OGN: variants seen among roughly 807,000 people sequenced by gnomAD.
OGN encodes osteoglycin.
OGN carries 19 observed loss-of-function variants against 30.8 expected under a neutral mutation model. That is an observed-to-expected ratio of 0.62 (90% confidence interval 0.43 to 0.90). The LOEUF is 0.90. OGN is among the 40% of genes least tolerant of loss of function. The pLI is 0.00. For synonymous variants in OGN, 126 were observed against 128.3 expected (o/e 0.98, Z 0.12); for missense variants, 283 against 349.7 (o/e 0.81, Z 1.52).
At chr9:92,401,272 G>A (rs1843100881) in intron 2 of OGN, 87 bp from the exon 3 acceptor site, 2 of 635,050 alleles carry the variant, frequency 3.1e-6, no homozygotes, top group African/African-American at 1.9e-5. Context: ...CCTTCTCGTA[G>A]TTACAATTAG....
chr9:92,393,663 T>C (rs886315415), intron 3 of OGN, among the ~76,000 whole-genome samples: 1 of 152,178 alleles, frequency 6.6e-6, no homozygotes, highest in Non-Finnish European at 1.5e-5. Flanking sequence ...ATTAGAGTAA[T>C]CGTAGGCACT....
intron 2 of OGN, among the ~76,000 whole-genome samples, chr9:92,402,186 C>CT (rs1201208491): frequency 2.6e-5 from 4 of 151,962 alleles, no homozygotes; most frequent in Non-Finnish European, 4.4e-5. Flanking sequence ...TATGATGGGA[C>CT]TTTTTTTTCT....
chr9:92,393,050 G>A (rs550605390), intron 4 of OGN, 36 bp downstream of exon 4: 14 of 1,560,440 alleles, frequency 9.0e-6, no homozygotes, highest in South Asian at 6.9e-5. Context: ...ATACTAATAC[G>A]AGTTAATACT....
At chr9:92,396,452 A>G (rs972910860) in intron 3 of OGN, among the ~76,000 whole-genome samples, 7 of 151,990 alleles carry the variant, frequency 4.6e-5, no homozygotes, top group Admixed American at 2.0e-4. Context: ...TGACATCTTA[A>G]TGATATTGAA....
Position 92,385,799 on chromosome 9 carries a change from A to G in OGN, c.727-9T>C. The G allele has an allele frequency of 6.2e-7, 1 of 1,613,926 alleles. No individual in the cohort carries two copies. The highest frequency in any genetic ancestry group is 8.5e-7 in the Non-Finnish European group (1 of 1,179,856). Reference sequence around the variant, plus strand: ...GAAGCTATGTTGTTGAACTGAAAAAAAACGAGGAAAACATTGTTCAGAAAT... The same window carrying G: ...GAAGCTATGTTGTTGAACTGAAAAAGAACGAGGAAAACATTGTTCAGAAAT... On this transcript the variant is annotated splice_polypyrimidine_tract_variant and intron_variant, in intron 6 of 6. Coordinates refer to ENST00000375561, the MANE Select transcript of OGN (RefSeq NM_014057.5).
chr9:92,404,259 C>T (rs560188303), intron 1 of OGN, among the ~76,000 whole-genome samples: 23 of 152,134 alleles, frequency 1.5e-4, no homozygotes, highest in Non-Finnish European at 2.6e-4. Context: ...GCCAGTTTGT[C>T]AAAAATCCAG....
rs1490798373 is a variant in OGN, at chr9:92,385,262, C to T, written c.*358G>A. The T allele has an allele frequency of 1.8e-5, 3 of 165,290 alleles. No homozygotes were observed. The highest frequency in any genetic ancestry group is 7.2e-5 in the African/African-American group (3 of 41,724). 10.2% of individuals were successfully genotyped at this position (165,290 alleles called of 1,614,324 possible). On this transcript the variant is annotated 3_prime_UTR_variant, in exon 7 of 7. Transcript: ENST00000375561. ...GGGATCCAGTAAAGGCCAGGAAAGG[C>T]AAAGAGTTGAAAGTTTCTTGGATTT...
intron 3 of OGN, 70 bp downstream of exon 3, chr9:92,401,022 C>A: frequency 1.3e-6 from 1 of 741,258 alleles, no homozygotes; most frequent in South Asian, 1.7e-5. Context: ...TTTTTGATTA[C>A]CACAAGGAAT....
chr9:92,389,943 T>G lies in OGN; in HGVS notation c.541A>C (p.Lys181Gln), dbSNP rs1842601602. ...ELSLAENQLLKLPVLPPKLTL... is the reference protein window; with the variant it reads ...ELSLAENQLLQLPVLPPKLTL... ...AGCTTGGGAGGAAGAACTGGAAGTT[T>G]TAGTAGTTGATTTTCAGCAAGTGAA... The change falls in exon 5 of 7, where the codon AAA (lysine) becomes CAA (glutamine). Residue 181 changes from lysine (K) to glutamine (Q), a missense_variant. Lys to Gln is a moderately conservative substitution (Grantham distance 53). Transcript: ENST00000375561. The G allele has an allele frequency of 1.2e-6, 2 of 1,612,828 alleles. No homozygotes were observed. The highest frequency in any genetic ancestry group is 4.5e-5 in the East Asian group (2 of 44,764).
At position 92,401,167 on chromosome 9, in the gene OGN, T is replaced by G; in HGVS notation, c.193A>C (p.Ile65Leu). ...AATTGAAGACTTTTCTCATTGGGTA[T>G]TATCACAGTTTCTTTTTCCTATTGG... is the stretch of plus-strand genomic sequence containing the variant. The part of the protein sequence containing the change: ...KNIKEKETVI[I>L]PNEKSLQLQK... Residue 65 changes from isoleucine to leucine, a missense_variant, in exon 3 of 7, where the codon ATA becomes CTA. Coordinates refer to ENST00000375561, the MANE Select transcript of OGN (RefSeq NM_014057.5). 1.3e-6 allele frequency: 2 copies of G among 1,496,454 alleles called. No individual in the cohort carries two copies. Among genetic ancestry groups the G allele is most frequent in the Non-Finnish European group, 1.9e-6 (2 of 1,076,058 alleles). 92.7% of individuals were successfully genotyped at this position (1,496,454 alleles called of 1,614,324 possible).
chr9:92,404,577 A>G lies in OGN; in HGVS notation c.-157T>C, dbSNP rs1191155811. On this transcript the variant is annotated 5_prime_UTR_variant, in exon 1 of 7. Coordinates refer to ENST00000375561, the MANE Select transcript of OGN (RefSeq NM_014057.5). ...GCATTAGCCCCAAGTGGGAGGGTGAATGAGAAAAGCTATGTCTTGATTTCA... is the reference window on the plus strand; with the variant it reads ...GCATTAGCCCCAAGTGGGAGGGTGAGTGAGAAAAGCTATGTCTTGATTTCA... The G allele has an allele frequency of 4.6e-6, 6 of 1,293,742 alleles. No homozygotes were observed. Among genetic ancestry groups the G allele is most frequent in the Non-Finnish European group, 6.1e-6 (6 of 986,158 alleles). The allele number at this position is 1,293,742 out of a possible 1,614,324, so 80.1% of individuals were successfully genotyped here.
intron 3 of OGN, among the ~76,000 whole-genome samples, chr9:92,394,436 A>G (rs1168711948): frequency 2.1e-5 from 3 of 143,342 alleles, no homozygotes; most frequent in Admixed American, 7.1e-5. Context: ...AATTTTTAGT[A>G]TAGACAAGGT....
intron 6 of OGN, 77 bp from the exon 7 acceptor site, chr9:92,385,867 C>T: frequency 7.0e-7 from 1 of 1,438,104 alleles, no homozygotes; most frequent in Non-Finnish European, 9.7e-7. Flanking sequence ...GTAAAGGAAA[C>T]CTAAGTCAGA....
chr9:92,385,499 T>G lies in OGN; in HGVS notation c.*121A>C. 1.2e-6 allele frequency: 1 copy of G among 854,182 alleles called. No homozygotes were observed. The highest frequency in any genetic ancestry group is 2.6e-5 in the East Asian group (1 of 38,070). The allele number at this position is 854,182 out of a possible 1,614,324, so 52.9% of individuals were successfully genotyped here. ...TTTTGAACATCCTTGCTTAAAATAT[T>G]AAATTCCTTCAAAATGAGATACAAG... On this transcript the variant is annotated 3_prime_UTR_variant, in exon 7 of 7. Transcript: ENST00000375561.
At chr9:92,402,208 C>A (rs1360177345) in intron 2 of OGN, among the ~76,000 whole-genome samples, 2 of 151,922 alleles carry the variant, frequency 1.3e-5, no homozygotes, top group African/African-American at 4.8e-5. Context: ...TAACTTGAAG[C>A]TATAATTAGT....
In OGN at chr9:92,393,207, G is replaced by T. The variant is rs780638690; in HGVS notation, c.306C>A (p.Gly102=). The T allele has an allele frequency of 1.9e-6, 3 of 1,609,548 alleles. No individual in the cohort carries two copies. In the South Asian group the frequency reaches 3.3e-5, roughly 18 times the overall value. The part of the protein sequence containing the change: ...PTCLLCVCLS[G]SVYCEEVDID... ...TGTCAACTTCTTCACAGTATACAGAGCCACTTAAACAAACACACAGCAGAC... is the reference window on the plus strand; with the variant it reads ...TGTCAACTTCTTCACAGTATACAGATCCACTTAAACAAACACACAGCAGAC... The change falls in exon 4 of 7, where the codon GGC becomes GGA. Residue 102 remains glycine, a synonymous_variant. Coordinates refer to ENST00000375561, the MANE Select transcript of OGN (RefSeq NM_014057.5).
chr9:92,400,094 T>C (rs1442475001), intron 3 of OGN, among the ~76,000 whole-genome samples: 1 of 152,186 alleles, frequency 6.6e-6, no homozygotes, highest in African/African-American at 2.4e-5. Flanking sequence ...AGAACTGACA[T>C]CTTTATGATT....
chr9:92,400,497 C>T (rs145349173), intron 3 of OGN, among the ~76,000 whole-genome samples: 179 of 152,248 alleles, frequency 1.2e-3, no homozygotes, highest in African/African-American at 4.0e-3. Flanking sequence ...TCATACTTCT[C>T]GCTTTTTAAG....
chr9:92,400,982 A>G (rs1843087491), intron 3 of OGN, 110 bp downstream of exon 3: 1 of 576,068 alleles, frequency 1.7e-6, no homozygotes. Context: ...ATAAAATTCC[A>G]CTGTTTGTAT....
Sources: gnomAD v4.1 joint callset for allele counts (sites outside exome capture counted in the v4.1 genomes callset) on GRCh38, gnomAD v4.1.1 for gene constraint, MANE v1.5 for transcripts, NCBI Gene and HGNC (gene_info 2026-07-23, HGNC 2026-07-21) for gene names.